The following HEATR4 variants were observed in gnomAD, a reference collection of about 807,000 sequenced individuals.
HEATR4 encodes HEAT repeat-containing protein 4.
In HEATR4, 95 loss-of-function variants were observed where a neutral mutation model predicts 108.8. That is an observed-to-expected ratio of 0.87 (90% CI 0.74 to 1.04). The LOEUF (loss-of-function observed/expected upper bound fraction) is 1.04, where lower values mean the gene tolerates loss of function less well. Among genes scored for constraint, HEATR4 ranks in the 50% least tolerant of loss-of-function variants. The pLI is 0.00. For synonymous variants in HEATR4, 443 were observed against 459.4 expected, an observed-to-expected ratio of 0.96 and a Z score of 0.46; for missense variants, 1,152 against 1,253.8, an observed-to-expected ratio of 0.92 and a Z score of 1.23.
the HEATR4 span, among the ~76,000 whole-genome samples, chr14:73,576,274 A>T: frequency 0.045 from 6,910 of 152,092 alleles, 271 homozygotes; most frequent in Non-Finnish European, 0.073. Context: ...GGAAGTTAAC[A>T]TCTTGCCTAT....
At chr14:73,525,370 T>C (rs574267664) in intron 2 of HEATR4, among the ~76,000 whole-genome samples, 2 of 152,132 alleles carry the variant, frequency 1.3e-5, no homozygotes, top group Non-Finnish European at 2.9e-5. Flanking sequence ...TAGGCCAGAA[T>C]CAATAACCTC....
At chr14:73,589,993 G>T in the HEATR4 span, among the ~76,000 whole-genome samples, 9 of 152,128 alleles carry the variant, frequency 5.9e-5, no homozygotes, top group African/African-American at 1.4e-4. Flanking sequence ...GCGGACCTTC[G>T]CAATGAGTGT....
chr14:73,576,631 C>T, the HEATR4 span, among the ~76,000 whole-genome samples: 2 of 150,856 alleles, frequency 1.3e-5, no homozygotes, highest in African/African-American at 2.4e-5. Context: ...GGGAAAACCC[C>T]GTCTCTACAA....
chr14:73,552,672 A>C (rs1889340285), intron 1 of HEATR4, among the ~76,000 whole-genome samples: 1 of 110,222 alleles, frequency 9.1e-6, no homozygotes, highest in South Asian at 2.9e-4. Flanking sequence ...ACCACTGTCA[A>C]CCCCAACTTA....
chr14:73,589,527 C>T, the HEATR4 span, among the ~76,000 whole-genome samples: 1 of 152,162 alleles, frequency 6.6e-6, no homozygotes, highest in African/African-American at 2.4e-5. Context: ...CCATGTTGGA[C>T]AGGCTCGTCT....
chr14:73,591,186 G>T, the HEATR4 span, among the ~76,000 whole-genome samples: 1 of 152,168 alleles, frequency 6.6e-6, no homozygotes, highest in Non-Finnish European at 1.5e-5. Context: ...GGTGGAGGCT[G>T]CAGTGACCTG....
chr14:73,491,762 T>A, intron 17 of HEATR4: 1 of 1,565,206 alleles, frequency 6.4e-7, no homozygotes, highest in Non-Finnish European at 8.7e-7. Context: ...TGACCTGGAT[T>A]CGATGCTGCG....
chr14:73,513,320 A>G (rs1303567533), intron 6 of HEATR4, among the ~76,000 whole-genome samples: 1 of 151,908 alleles, frequency 6.6e-6, no homozygotes, highest in African/African-American at 2.4e-5. Flanking sequence ...TTAGCCAGAC[A>G]TCATGGCACA....
the HEATR4 span, among the ~76,000 whole-genome samples, chr14:73,594,105 A>G: frequency 6.6e-6 from 1 of 152,114 alleles, no homozygotes; most frequent in Non-Finnish European, 1.5e-5. Flanking sequence ...TCCACATGAG[A>G]TTTTATTTAG....
At chr14:73,629,987 G>A in the HEATR4 span, among the ~76,000 whole-genome samples, 123 of 150,242 alleles carry the variant, frequency 8.2e-4, no homozygotes, top group African/African-American at 2.9e-3. Flanking sequence ...TGGCTCCACC[G>A]CATTCCAGCT....
Position 73,492,039 on chromosome 14 carries a change from A to G in HEATR4, c.2844+1027T>C, listed in dbSNP as rs774321251. The G allele has an allele frequency of 3.1e-6, 5 of 1,613,920 alleles. No homozygotes were observed. The highest frequency in any genetic ancestry group is 3.4e-6 in the Non-Finnish European group (4 of 1,179,870). On this transcript the variant is annotated intron_variant, in intron 17 of 17. Transcript: ENST00000553558. The surrounding 1 kb of genome is among the most constrained non-coding windows in gnomAD (Gnocchi z 4.9). ...AACTCGCAGGGCTTTGCCCCCCACT[A>G]CGACGACATCGAGGCCTTCGTGCTG... is the stretch of plus-strand genomic sequence containing the variant.
chr14:73,497,056 C>G (rs951670883), intron 14 of HEATR4, among the ~76,000 whole-genome samples: 1 of 152,142 alleles, frequency 6.6e-6, no homozygotes, highest in Non-Finnish European at 1.5e-5. Flanking sequence ...CCATCATGCC[C>G]AGCTAGTTTT....
At chr14:73,563,236 G>T (rs566236721), upstream of HEATR4, among the ~76,000 whole-genome samples, 4 of 151,922 alleles carry the variant, frequency 2.6e-5, no homozygotes, top group Non-Finnish European at 5.9e-5. Context: ...AGGAACCTAC[G>T]TTGAAATATT....
chr14:73,586,041 A>ACTGC, the HEATR4 span, among the ~76,000 whole-genome samples: 1 of 151,064 alleles, frequency 6.6e-6, no homozygotes, highest in South Asian at 2.1e-4. Context: ...AAAAACGTAA[A>ACTGC]CTGCCAAACC....
At chr14:73,517,774 A>G (rs992784828) in intron 5 of HEATR4, among the ~76,000 whole-genome samples, 1 of 150,740 alleles carries the variant, frequency 6.6e-6, no homozygotes, top group Non-Finnish European at 1.5e-5. Context: ...AAGGAAGGAA[A>G]AAAAGGAAGG....
chr14:73,568,242 C>G, the HEATR4 span: 1 of 151,890 alleles, frequency 6.6e-6, no homozygotes, highest in Non-Finnish European at 1.5e-5. Flanking sequence ...GAGGCAAACA[C>G]AGGTTTTGTG....
chr14:73,493,060 A>T lies in HEATR4; in HGVS notation c.2844+6T>A, dbSNP rs113528852. On this transcript the variant is annotated splice_donor_region_variant and intron_variant, in intron 17 of 17. Transcript: ENST00000553558. ...CCTTGATAAGCATCAGTGTGCTCAC[A>T]TTTACCTTTATCACTGCTTCAGTGT... is the stretch of plus-strand genomic sequence containing the variant. 7.2e-5 allele frequency: 116 copies of T among 1,604,164 alleles called. No individual in the cohort carries two copies. The highest frequency in any genetic ancestry group is 9.8e-5 in the Non-Finnish European group (115 of 1,178,460).
At chr14:73,555,885 A>T (rs1368555298) in intron 1 of HEATR4, among the ~76,000 whole-genome samples, 1 of 112,590 alleles carries the variant, frequency 8.9e-6, no homozygotes, top group Non-Finnish European at 1.9e-5. Context: ...CACACCTGTA[A>T]TCCCAGCTAC....
intron 1 of HEATR4, among the ~76,000 whole-genome samples, chr14:73,534,897 G>A (rs1888814325): frequency 9.2e-6 from 1 of 108,824 alleles, no homozygotes; most frequent in Non-Finnish European, 2.0e-5. Flanking sequence ...TCCTGCCTAG[G>A]CCTCCCCCCT....
Sources: gnomAD v4.1 joint callset for allele counts (sites outside exome capture counted in the v4.1 genomes callset) on GRCh38, gnomAD v4.1.1 for gene constraint, Gnocchi (gnomAD v3.1) non-coding constraint, MANE v1.5 for transcripts, NCBI Gene and HGNC (gene_info 2026-07-23, HGNC 2026-07-21) for gene names.